The following NTAQ1 variants were observed in gnomAD, a reference collection of about 807,000 sequenced individuals.
NTAQ1 encodes the protein protein N-terminal glutamine amidohydrolase.
A neutral mutation model predicts 28.2 loss-of-function variants in NTAQ1; 21 were observed. The observed-to-expected ratio is 0.74, with a 90% CI of 0.53 to 1.07. NTAQ1 has a LOEUF of 1.07. NTAQ1 is among the 50% of genes least tolerant of loss of function. NTAQ1 has a pLI of 0.00. For synonymous variants in NTAQ1, 105 were observed against 90.0 expected (o/e 1.17, Z -0.94); for missense variants, 264 against 256.6 (o/e 1.03, Z -0.20).
intron 3 of NTAQ1, among the ~76,000 whole-genome samples, chr8:123,432,239 A>T (rs1213836978): frequency 6.6e-6 from 1 of 152,204 alleles, no homozygotes; most frequent in Non-Finnish European, 1.5e-5. Flanking sequence ...GATAATTCTA[A>T]TGTGTAGCCA....
At chr8:123,470,580 T>C (rs1295372199), downstream of NTAQ1, among the ~76,000 whole-genome samples, 2 of 152,182 alleles carry the variant, frequency 1.3e-5, no homozygotes, top group African/African-American at 2.4e-5. Context: ...ATAAGACAAC[T>C]TTTGGAGGCC....
intron 1 of NTAQ1, among the ~76,000 whole-genome samples, chr8:123,424,122 G>T (rs1199065814): frequency 2.1e-5 from 3 of 140,842 alleles, no homozygotes; most frequent in Non-Finnish European, 4.5e-5. Flanking sequence ...ACCCAGGCTG[G>T]AGTGCAGTGG....
chr8:123,423,905 G>GATTTAAAATTTTTAAATTTTA (rs1491526897), intron 1 of NTAQ1, among the ~76,000 whole-genome samples: 22 of 151,446 alleles, frequency 1.5e-4, no homozygotes, highest in Non-Finnish European at 2.4e-4. Flanking sequence ...ATTTTTAGAT[G>GATTTAAAATTTTTAAATTTTA]GAGTCTTGCT....
intron 3 of NTAQ1, 69 bp from the exon 4 acceptor site, chr8:123,436,384 A>ATG (rs1299869144): frequency 6.7e-7 from 1 of 1,486,754 alleles, no homozygotes; most frequent in Non-Finnish European, 9.3e-7. Flanking sequence ...GTGATAAGGT[A>ATG]TGTGTCTGAA....
At chr8:123,474,112 T>C (rs767534124), downstream of NTAQ1, among the ~76,000 whole-genome samples, 2 of 152,194 alleles carry the variant, frequency 1.3e-5, no homozygotes, top group African/African-American at 2.4e-5. Context: ...ACATCTTACA[T>C]AAGCACAGTA....
At chr8:123,469,084 T>C (rs1220951172) in exon 7 of NTAQ1, among the ~76,000 whole-genome samples, 1 of 152,224 alleles carries the variant, frequency 6.6e-6, no homozygotes, top group East Asian at 1.9e-4. Flanking sequence ...TTTTTGTTGT[T>C]GAGTTGAGGG....
At chr8:123,428,060 AT>A in intron 2 of NTAQ1, 37 bp downstream of exon 2, 1 of 1,438,806 alleles carries the variant, frequency 7.0e-7, no homozygotes. Context: ...AAAACAAGAG[AT>A]TTAGGATGAC....
chr8:123,428,634 T>C (rs1451209887), intron 2 of NTAQ1, among the ~76,000 whole-genome samples: 2 of 152,016 alleles, frequency 1.3e-5, no homozygotes, highest in Non-Finnish European at 2.9e-5. Flanking sequence ...GGAGTCTCAC[T>C]CTGTTGCCCA....
At chr8:123,427,876 A>G (rs369924701) in intron 1 of NTAQ1, 48 bp from the exon 2 acceptor site, 58 of 1,457,876 alleles carry the variant, frequency 4.0e-5, no homozygotes, top group Non-Finnish European at 5.1e-5. Flanking sequence ...AATTTAAAAG[A>G]CACATAGAAT....
In NTAQ1 at chr8:123,430,016, G is replaced by A. The variant is rs1383346657; in HGVS notation, c.217G>A (p.Asp73Asn). 1.9e-6 allele frequency: 3 copies of A among 1,613,352 alleles called. No homozygotes were observed. The highest frequency in any genetic ancestry group is 2.2e-5 in the South Asian group (2 of 90,980). The change falls in exon 3 of 6, where the codon GAT (aspartate) becomes AAT (asparagine). Residue 73 changes from aspartate to asparagine, a missense_variant. Coordinates refer to ENST00000287387, the MANE Select transcript of NTAQ1 (RefSeq NM_018024.3). ...CTGGAAACAACAGGCGAGACCTGGA[G>A]ATGGACCTGTGATCTGGGTAAGACA... ...PIWKQQARPG[D>N]GPVIWDYHVV...
rs1399463594 is a variant in NTAQ1, at chr8:123,453,130, A to G, written c.372+11781A>G. ...TTCTGCAGCCGTAAGTGACGGTTGA[A>G]TCAGTTCCCACTCAAGGCCCACAGG... On this transcript the variant is annotated intron_variant, in intron 6 of 6. Coordinates refer to the NTAQ1 transcript ENST00000650311. 5.9e-5 allele frequency among the ~76,000 whole-genome samples: 9 copies of G among 152,324 alleles called. No individual in the cohort carries two copies. In the South Asian group the frequency reaches 1.9e-3, roughly 32 times the overall value.
chr8:123,441,479 G>GATGAA lies in NTAQ1; in HGVS notation c.*65_*66insTGAAA. 1 of 1,285,306 alleles carries GATGAA rather than the reference G, an allele frequency of 7.8e-7. No homozygotes were observed. The highest frequency in any genetic ancestry group is 1.1e-6 in the Non-Finnish European group (1 of 895,394). The allele number at this position is 1,285,306 out of a possible 1,614,324, so 79.6% of individuals were successfully genotyped here. The stretch of plus-strand genomic sequence containing the variant: ...GACATGAACAAGCTATCCTTTCATC[G>GATGAA]AGGACAGCAAACATTATGGTACAGT... On this transcript the variant is annotated 3_prime_UTR_variant, in exon 6 of 6. Coordinates refer to ENST00000287387, the MANE Select transcript of NTAQ1 (RefSeq NM_018024.3).
exon 7 of NTAQ1, among the ~76,000 whole-genome samples, chr8:123,469,195 C>T (rs1310136139): frequency 6.6e-6 from 1 of 152,078 alleles, no homozygotes; most frequent in African/African-American, 2.4e-5. Context: ...TTGATTGTAT[C>T]TTTTGGTGCA....
chr8:123,438,571 A>T, intron 5 of NTAQ1, among the ~76,000 whole-genome samples: 1 of 151,816 alleles, frequency 6.6e-6, no homozygotes, highest in Middle Eastern at 3.4e-3. Context: ...CAGGAGAATT[A>T]CTTGAACCGG....
chr8:123,445,519 T>G (rs971405327), downstream of NTAQ1, among the ~76,000 whole-genome samples: 1 of 134,504 alleles, frequency 7.4e-6, no homozygotes, highest in Admixed American at 7.8e-5. Context: ...GTTTTTTGCT[T>G]CTTGGTGTGC....
chr8:123,436,712 A>G, intron 4 of NTAQ1, 111 bp downstream of exon 4: 1 of 1,129,422 alleles, frequency 8.9e-7, no homozygotes, highest in Non-Finnish European at 1.2e-6. Context: ...GTCTGACATC[A>G]CCATTGAGTT....
chr8:123,467,359 T>C (rs1364201261), exon 7 of NTAQ1: 1 of 152,190 alleles, frequency 6.6e-6, no homozygotes, highest in East Asian at 1.9e-4. Context: ...TCTAAATGTT[T>C]GTGCCAACTT....
chr8:123,467,911 C>T (rs534990763), exon 7 of NTAQ1, among the ~76,000 whole-genome samples: 6 of 152,222 alleles, frequency 3.9e-5, no homozygotes, highest in Admixed American at 6.5e-5. Flanking sequence ...CACCACTCCC[C>T]GCTAATTTTG....
intron 6 of NTAQ1, among the ~76,000 whole-genome samples, chr8:123,456,032 A>G (rs1815641159): frequency 6.6e-6 from 1 of 152,042 alleles, no homozygotes; most frequent in Non-Finnish European, 1.5e-5. Context: ...ACTTTCTCCA[A>G]TCTCTGGATT....
Sources: allele counts gnomAD v4.1 joint callset (sites outside exome capture counted in the v4.1 genomes callset), GRCh38; gene constraint gnomAD v4.1.1; transcripts MANE v1.5; gene names NCBI Gene and HGNC (gene_info 2026-07-23, HGNC 2026-07-21).